The following GPR12 variants were observed in gnomAD, a reference collection of about 807,000 sequenced individuals.
GPR12 encodes the protein G protein-coupled receptor 12, also known as G-protein coupled receptor 12.
GPR12 carries 7 observed loss-of-function variants against 18.9 expected under a neutral mutation model. That is an observed-to-expected ratio of 0.37 (90% CI 0.21 to 0.70). The LOEUF is 0.70. Ranked by LOEUF, GPR12 falls within the 30% of genes least tolerant of loss-of-function variation. GPR12 has a pLI of 0.54. For missense variants in GPR12, 327 were observed against 427.7 expected (o/e 0.76, Z 2.08); for synonymous variants, 201 against 188.6 (o/e 1.07, Z -0.54).
At position 26,759,123 on chromosome 13, in the gene GPR12, G is replaced by A. The variant is rs1310360541; in HGVS notation, c.705C>T (p.His235=). 1 of 1,613,872 alleles carries A rather than the reference G, an allele frequency of 6.2e-7. No homozygotes were observed. Among genetic ancestry groups the A allele is most frequent in the Non-Finnish European group, 8.5e-7 (1 of 1,180,016 alleles). Residue 235 remains histidine, a synonymous_variant, in exon 2 of 2, where the codon CAC becomes CAT. Coordinates refer to ENST00000405846, the MANE Select transcript of GPR12 (RefSeq NM_005288.4). The part of the protein sequence containing the change: ...MRHAHQIALQ[H]HFLATSHYVT... ...CATAGTGCGACGTGGCCAGGAAGTGGTGCTGCAGGGCTATCTGATGGGCGT... is the reference window on the plus strand; with the variant it reads ...CATAGTGCGACGTGGCCAGGAAGTGATGCTGCAGGGCTATCTGATGGGCGT...
chr13:26,759,664 C>A lies in GPR12; in HGVS notation c.164G>T (p.Gly55Val). ...NPWDIVLCTS[G>V]TLISCENAIV... ...GGCATTTTCACAGGAGATGAGGGTT[C>A]CCGAGGTACACAAGACAATGTCCCA... The change falls in exon 2 of 2, where the codon GGA (glycine) becomes GTA (valine). Residue 55 changes from glycine to valine, a missense_variant. Gly to Val is a moderately radical substitution (Grantham distance 109). Coordinates refer to ENST00000405846, the MANE Select transcript of GPR12 (RefSeq NM_005288.4). 6.2e-7 allele frequency: 1 copy of A among 1,613,974 alleles called. No individual in the cohort carries two copies. The highest frequency in any genetic ancestry group is 1.1e-5 in the South Asian group (1 of 91,068).
In GPR12 at chr13:26,759,805, T is replaced by C. The variant is rs1202962536; in HGVS notation, c.23A>G (p.Asn8Ser). 6.3e-7 allele frequency: 1 copy of C among 1,593,444 alleles called. No individual in the cohort carries two copies. The highest frequency in any genetic ancestry group is 1.7e-4 in the Middle Eastern group (1 of 5,974). The change falls in exon 2 of 2, where the codon AAT becomes AGT. Residue 8 changes from asparagine (N) to serine (S), a missense_variant. Coordinates refer to ENST00000405846, the MANE Select transcript of GPR12 (RefSeq NM_005288.4). MNEDLKV[N>S]LSGLPRDYLD... ...ATAATCCCGAGGCAGCCCGCTTAAA[T>C]TGACCTTCAGGTCTTCATTCATTTT...
chr13:26,759,345 G>A lies in GPR12; in HGVS notation c.483C>T (p.Leu161=). 8 of 1,613,572 alleles carry A rather than the reference G, an allele frequency of 5.0e-6. No homozygotes were observed. The highest frequency in any genetic ancestry group is 6.8e-6 in the Non-Finnish European group (8 of 1,180,014). ...AGATGGAGGTCCCCCAGAGCATGAC[G>A]AGCATGACATAGGTAAACGTGACCG... ...ERTVTFTYVM[L]VMLWGTSICL... is the part of the protein sequence containing the mutation. Residue 161 remains leucine (L), a synonymous_variant, in exon 2 of 2, where the codon CTC becomes CTT. Coordinates refer to ENST00000405846, the MANE Select transcript of GPR12 (RefSeq NM_005288.4).
At position 26,759,276 on chromosome 13, in the gene GPR12, G is replaced by T. The variant is rs754131717; in HGVS notation, c.552C>A (p.Asp184Glu). Residue 184 changes from aspartate to glutamate, a missense_variant, in exon 2 of 2, where the codon GAC becomes GAA. Physicochemically the swap from Asp to Glu is conservative, Grantham distance 45. Coordinates refer to ENST00000405846, the MANE Select transcript of GPR12 (RefSeq NM_005288.4). ...GTCTGACCACGCTGCAGGTGGACTC[G>T]TCTCGGAGGCAGTTCCAGCCCATGA... is the stretch of plus-strand genomic sequence containing the variant. Reference protein sequence around the residue: ...LPVMGWNCLRDESTCSVVRPL... With the variant: ...LPVMGWNCLREESTCSVVRPL... 2.5e-6 allele frequency: 4 copies of T among 1,613,100 alleles called. No homozygotes were observed. Among genetic ancestry groups the T allele is most frequent in the East Asian group, 4.5e-5 (2 of 44,848 alleles).
rs1254419285 is a variant in GPR12, at chr13:26,760,763, C to T, written c.-200G>A. On this transcript the variant is annotated 5_prime_UTR_variant, in exon 1 of 2. Coordinates refer to ENST00000405846, the MANE Select transcript of GPR12 (RefSeq NM_005288.4). ...CGGCGCGGCTGCAGGTGAGCAGCAG[C>T]CTCGGCTCGCGCGCCCAGCTTTCCC... 1 of 146,850 alleles carries T rather than the reference C, an allele frequency of 6.8e-6. No individual in the cohort carries two copies. Among genetic ancestry groups the T allele is most frequent in the Non-Finnish European group, 1.5e-5 (1 of 66,000 alleles). 9.1% of individuals were successfully genotyped at this position (146,850 alleles called of 1,614,324 possible).
rs2137576699 is a variant in GPR12 at position 26,756,930 on chromosome 13, C to T, written c.*1893G>A. ...AACCAACTTACCTTTGTCAAGTCTC[C>T]TATGGTGGTGCTATTCAATTTTAAT... is the stretch of plus-strand genomic sequence containing the variant. On this transcript the variant is annotated 3_prime_UTR_variant, in exon 2 of 2. Transcript: ENST00000405846. 1 of 152,272 alleles carries T rather than the reference C, an allele frequency of 6.6e-6. No individual in the cohort carries two copies. The highest frequency in any genetic ancestry group is 2.1e-4 in the South Asian group (1 of 4,822). 9.4% of individuals were successfully genotyped at this position (152,272 alleles called of 1,614,324 possible). A position where few individuals can be genotyped will look rare whatever the true frequency, so the allele number is the denominator to read the frequency against.
At position 26,759,684 on chromosome 13, in the gene GPR12, G is replaced by C; in HGVS notation, c.144C>G (p.Asp48Glu). 1 of 1,614,028 alleles carries C rather than the reference G, an allele frequency of 6.2e-7. No individual in the cohort carries two copies. Among genetic ancestry groups the C allele is most frequent in the Non-Finnish European group, 8.5e-7 (1 of 1,179,932 alleles). Residue 48 changes from aspartate (D) to glutamate (E), a missense_variant, in exon 2 of 2, where the codon GAC becomes GAG. By Grantham distance (45) the Asp-to-Glu change is conservative. Coordinates refer to ENST00000405846, the MANE Select transcript of GPR12 (RefSeq NM_005288.4). ...PEPELVVNPW[D>E]IVLCTSGTLI... ...GGGTTCCCGAGGTACACAAGACAATGTCCCAGGGGTTGACTACGAGCTCAG... is the reference window on the plus strand; with the variant it reads ...GGGTTCCCGAGGTACACAAGACAATCTCCCAGGGGTTGACTACGAGCTCAG...
At chr13:26,760,046 G>C in intron 1 of GPR12, 1 of 778,222 alleles carries the variant, frequency 1.3e-6, no homozygotes, top group Non-Finnish European at 1.9e-6. Context: ...CAAAAATGCC[G>C]TTTGGCATTG....
chr13:26,759,400 T>C lies in GPR12; in HGVS notation c.428A>G (p.Tyr143Cys). 1 of 1,613,850 alleles carries C rather than the reference T, an allele frequency of 6.2e-7. No individual in the cohort carries two copies. Among genetic ancestry groups the C allele is most frequent in the Non-Finnish European group, 8.5e-7 (1 of 1,179,974 alleles). Residue 143 changes from tyrosine to cysteine, a missense_variant, in exon 2 of 2, where the codon TAC becomes TGC. Transcript: ENST00000405846. The part of the protein sequence containing the change: ...AITVDRYLSL[Y>C]YALTYHSERT... ...CTCCGAATGGTACGTCAGAGCGTAG[T>C]ACAGTGAGAGGTAGCGGTCAACAGT...
Position 26,759,474 on chromosome 13 carries a change from G to A in GPR12, c.354C>T (p.Gly118=), listed in dbSNP as rs1884440735. The A allele has an allele frequency of 6.2e-7, 1 of 1,614,060 alleles. No homozygotes were observed. Among genetic ancestry groups the A allele is most frequent in the Admixed American group, 1.7e-5 (1 of 60,008 alleles). Residue 118 remains glycine (G), a synonymous_variant, in exon 2 of 2, where the codon GGC becomes GGT. Coordinates refer to ENST00000405846, the MANE Select transcript of GPR12 (RefSeq NM_005288.4). ...AGGCAGAGAAAGAGGCGACAATGAGGCCGATCGTGACCAGCTTGGTGGCTT... is the reference window on the plus strand; with the variant it reads ...AGGCAGAGAAAGAGGCGACAATGAGACCGATCGTGACCAGCTTGGTGGCTT... ...QSEATKLVTI[G]LIVASFSASV...
rs754131717 is a variant in GPR12 at position 26,759,276 on chromosome 13, G to A, written c.552C>T (p.Asp184=). ...LPVMGWNCLR[D]ESTCSVVRPL... The stretch of plus-strand genomic sequence containing the variant: ...GTCTGACCACGCTGCAGGTGGACTC[G>A]TCTCGGAGGCAGTTCCAGCCCATGA... Residue 184 remains aspartate, a synonymous_variant, in exon 2 of 2, where the codon GAC becomes GAT. Transcript: ENST00000405846. The A allele has an allele frequency of 2.5e-6, 4 of 1,612,980 alleles. No homozygotes were observed. Among genetic ancestry groups the A allele is most frequent in the Non-Finnish European group, 2.5e-6 (3 of 1,179,964 alleles).
At position 26,759,249 on chromosome 13, in the gene GPR12, C is replaced by G. The variant is rs761397812; in HGVS notation, c.579G>C (p.Pro193=). 2.2e-5 allele frequency: 35 copies of G among 1,612,446 alleles called. No individual in the cohort carries two copies. In the East Asian group the frequency reaches 4.9e-4, roughly 23 times the overall value. ...RDESTCSVVR[P]LTKNNAAILS... is the part of the protein sequence containing the mutation. ...GGATGGCCGCGTTGTTCTTGGTGAG[C>G]GGTCTGACCACGCTGCAGGTGGACT... Residue 193 remains proline (P), a synonymous_variant, in exon 2 of 2, where the codon CCG becomes CCC. Transcript: ENST00000405846.
In GPR12 at chr13:26,759,131, G is replaced by A; in HGVS notation, c.697C>T (p.Leu233=). 6.2e-7 allele frequency: 1 copy of A among 1,613,810 alleles called. No homozygotes were observed. The highest frequency in any genetic ancestry group is 8.5e-7 in the Non-Finnish European group (1 of 1,179,998). ...GACGTGGCCAGGAAGTGGTGCTGCA[G>A]GGCTATCTGATGGGCGTGCCTCATC... ...IVMRHAHQIA[L]QHHFLATSHY... Residue 233 remains leucine, a synonymous_variant, in exon 2 of 2, where the codon CTG becomes TTG. Coordinates refer to ENST00000405846, the MANE Select transcript of GPR12 (RefSeq NM_005288.4).
In GPR12 at chr13:26,757,846, G is replaced by A. The variant is rs1045581085; in HGVS notation, c.*977C>T. The A allele has an allele frequency of 2.6e-5, 4 of 152,104 alleles. No individual in the cohort carries two copies. The highest frequency in any genetic ancestry group is 6.6e-5 in the Admixed American group (1 of 15,262). The allele number at this position is 152,104 out of a possible 1,614,324, so 9.4% of individuals were successfully genotyped here. On this transcript the variant is annotated 3_prime_UTR_variant, in exon 2 of 2. Transcript: ENST00000405846. ...CATTAGTATATTCTCAGAGAGAGAG[G>A]AAAGGTGATTTTTTTCATTTCATGA... is the stretch of plus-strand genomic sequence containing the variant.
rs1593161047 is a variant in GPR12, at chr13:26,759,260, C to T, written c.568G>A (p.Val190Met). 1 of 1,612,762 alleles carries T rather than the reference C, an allele frequency of 6.2e-7. No homozygotes were observed. The highest frequency in any genetic ancestry group is 1.1e-5 in the South Asian group (1 of 90,978). ...NCLRDESTCS[V>M]VRPLTKNNAA... is the part of the protein sequence containing the mutation. ...TTGTTCTTGGTGAGCGGTCTGACCA[C>T]GCTGCAGGTGGACTCGTCTCGGAGG... The change falls in exon 2 of 2, where the codon GTG (valine) becomes ATG (methionine). Residue 190 changes from valine (V) to methionine (M), a missense_variant. Val to Met is a conservative substitution (Grantham distance 21). Transcript: ENST00000405846.
rs1243745887 is a variant in GPR12, at chr13:26,759,599, C to T, written c.229G>A (p.Ala77Thr). The change falls in exon 2 of 2, where the codon GCA becomes ACA. Residue 77 changes from alanine to threonine, a missense_variant. Coordinates refer to ENST00000405846, the MANE Select transcript of GPR12 (RefSeq NM_005288.4). Reference protein sequence around the residue: ...LIIFHNPSLRAPMFLLIGSLA... With the variant: ...LIIFHNPSLRTPMFLLIGSLA... ...CTGCCTATTAGCAGGAACATGGGTG[C>T]TCGCAGGCTGGGGTTGTGGAAGATG... is the stretch of plus-strand genomic sequence containing the variant. 3.7e-6 allele frequency: 6 copies of T among 1,614,146 alleles called. No homozygotes were observed. Among genetic ancestry groups the T allele is most frequent in the South Asian group, 3.3e-5 (3 of 91,084 alleles).
At position 26,759,686 on chromosome 13, in the gene GPR12, C is replaced by G; in HGVS notation, c.142G>C (p.Asp48His). 1 of 1,614,048 alleles carries G rather than the reference C, an allele frequency of 6.2e-7. No individual in the cohort carries two copies. The highest frequency in any genetic ancestry group is 1.1e-5 in the South Asian group (1 of 91,060). Residue 48 changes from aspartate (D) to histidine (H), a missense_variant, in exon 2 of 2, where the codon GAC becomes CAC. By Grantham distance (81) the Asp-to-His change is moderately conservative. Coordinates refer to ENST00000405846, the MANE Select transcript of GPR12 (RefSeq NM_005288.4). ...GTTCCCGAGGTACACAAGACAATGT[C>G]CCAGGGGTTGACTACGAGCTCAGGC... ...PEPELVVNPWDIVLCTSGTLI... is the reference protein window; with the variant it reads ...PEPELVVNPWHIVLCTSGTLI...
chr13:26,758,366 G>C lies in GPR12; in HGVS notation c.*457C>G, dbSNP rs1177819003. ...GGTCATATTCTGTTACATACATGCA[G>C]CATTAAAAAATCTACCATCATGTAA... On this transcript the variant is annotated 3_prime_UTR_variant, in exon 2 of 2. Transcript: ENST00000405846. The C allele has an allele frequency of 6.7e-6, 1 of 148,520 alleles. No homozygotes were observed. The highest frequency in any genetic ancestry group is 1.4e-5 in the Non-Finnish European group (1 of 70,070). 9.2% of individuals were successfully genotyped at this position (148,520 alleles called of 1,614,324 possible). A position where few individuals can be genotyped will look rare whatever the true frequency, so the allele number is the denominator to read the frequency against.
rs1181394394 is a variant in GPR12 at position 26,757,045 on chromosome 13, A to T, written c.*1778T>A. 6.6e-6 allele frequency: 1 copy of T among 152,206 alleles called. No individual in the cohort carries two copies. The highest frequency in any genetic ancestry group is 1.5e-5 in the Non-Finnish European group (1 of 68,040). The allele number at this position is 152,206 out of a possible 1,614,324, so 9.4% of individuals were successfully genotyped here. ...GTTTTAAAGGCATCAGTTTTATTAG[A>T]TTGATCATACAGTGGTATGTATTGA... On this transcript the variant is annotated 3_prime_UTR_variant, in exon 2 of 2. Transcript: ENST00000405846.
Sources: allele counts gnomAD v4.1 joint callset, GRCh38; gene constraint gnomAD v4.1.1; transcripts MANE v1.5; gene names NCBI Gene and HGNC (gene_info 2026-07-23, HGNC 2026-07-21).